Variants in PCDHGA12 observed in about 807,000 individuals in gnomAD.
The protein encoded by PCDHGA12 is protocadherin gamma-A12.
PCDHGA12 carries 43 observed loss-of-function variants against 61.1 expected under a neutral mutation model. The observed-to-expected ratio is 0.70, with a 90% CI of 0.55 to 0.91. The LOEUF is 0.91. Ranked by LOEUF, PCDHGA12 falls within the 40% of genes least tolerant of loss-of-function variation. The pLI is 0.00. For missense variants in PCDHGA12, 1,236 were observed against 1,227.7 expected, an observed-to-expected ratio of 1.01 and a Z score of -0.10; for synonymous variants, 520 against 542.9, an observed-to-expected ratio of 0.96 and a Z score of 0.59.
In PCDHGA12 at chr5:141,476,833, C is replaced by T. The variant is rs746365316; in HGVS notation, c.2425-17974C>T. 1.4e-5 allele frequency: 23 copies of T among 1,613,524 alleles called. No homozygotes were observed. Among genetic ancestry groups the T allele is most frequent in the Non-Finnish European group, 1.9e-5 (23 of 1,180,050 alleles). On this transcript the variant is annotated intron_variant, in intron 1 of 3. Coordinates refer to ENST00000252085, the MANE Select transcript of PCDHGA12 (RefSeq NM_003735.3). The surrounding 1 kb of genome is among the most constrained non-coding windows in gnomAD (Gnocchi z 7.6). Reference sequence around the variant, plus strand: ...ACATCAAGGTGCTGGACGCGAATGACAATGCGCCTGTCTTCAACCAGTCCT... The same window carrying T: ...ACATCAAGGTGCTGGACGCGAATGATAATGCGCCTGTCTTCAACCAGTCCT...
rs61612330 is a variant in PCDHGA12, at chr5:141,454,796, A to ATTTTTTTTTTTTTTT, written c.2424+21628_2424+21642dup. 1.0e-3 allele frequency among the ~76,000 whole-genome samples: 80 copies of ATTTTTTTTTTTTTTT among 77,456 alleles called. 10 individuals are homozygous for ATTTTTTTTTTTTTTT. The highest frequency in any genetic ancestry group is 2.0e-3 in the East Asian group (5 of 2,512). The allele number at this position is 77,456 out of a possible 152,430, so 50.8% of individuals were successfully genotyped here. A position where few individuals can be genotyped will look rare whatever the true frequency, so the allele number is the denominator to read the frequency against. On this transcript the variant is annotated intron_variant, in intron 1 of 3. Transcript: ENST00000252085. ...AAGGAAATAATCCTCCATGGTTCTA[A>ATTTTTTTTTTTTTTT]TTTTTTTTTTTTTTTTTTTTTTTTT...
In PCDHGA12 at chr5:141,431,675, G is replaced by A. The variant is rs778040824; in HGVS notation, c.916G>A (p.Glu306Lys). Reference sequence around the variant, plus strand: ...TTCAGGGACAATATCAACAATAGGGGAGTTGGACCACGAGGAGTCAGGATT... The same window carrying A: ...TTCAGGGACAATATCAACAATAGGGAAGTTGGACCACGAGGAGTCAGGATT... Reference protein sequence around the residue: ...CNSGTISTIGELDHEESGFYQ... With the variant: ...CNSGTISTIGKLDHEESGFYQ... Residue 306 changes from glutamate (E) to lysine (K), a missense_variant, in exon 1 of 4, where the codon GAG becomes AAG. Coordinates refer to ENST00000252085, the MANE Select transcript of PCDHGA12 (RefSeq NM_003735.3). The surrounding 1 kb of genome is among the most constrained non-coding windows in gnomAD (Gnocchi z 4.8). 5.6e-6 allele frequency: 9 copies of A among 1,614,230 alleles called. No homozygotes were observed. Among genetic ancestry groups the A allele is most frequent in the Admixed American group, 1.7e-5 (1 of 60,028 alleles).
At chr5:141,478,425 A>G (rs1454100826) in intron 1 of PCDHGA12, 1 of 1,613,542 alleles carries the variant, frequency 6.2e-7, no homozygotes, top group African/African-American at 1.3e-5. Context: ...CGCCGCAGCG[A>G]CCCGCTGCTG....
At chr5:141,452,411 A>G (rs965622061) in intron 1 of PCDHGA12, among the ~76,000 whole-genome samples, 8 of 152,200 alleles carry the variant, frequency 5.3e-5, no homozygotes, top group African/African-American at 1.9e-4. Context: ...GGTGTGAGGT[A>G]TGCTCACTGC....
At position 141,491,023 on chromosome 5, in the gene PCDHGA12, G is replaced by A. The variant is rs773185039; in HGVS notation, c.2425-3784G>A. 17 of 1,613,990 alleles carry A rather than the reference G, an allele frequency of 1.1e-5. No individual in the cohort carries two copies. Among genetic ancestry groups the A allele is most frequent in the Admixed American group, 5.0e-5 (3 of 60,008 alleles). ...CTCCTTGGTCACCAAGGTGACAGCC[G>A]TGGATGCTGATGCAGGCCACAATGC... On this transcript the variant is annotated intron_variant, in intron 1 of 3. Coordinates refer to ENST00000252085, the MANE Select transcript of PCDHGA12 (RefSeq NM_003735.3). The surrounding 1 kb of genome is among the most constrained non-coding windows in gnomAD (Gnocchi z 6.9).
intron 1 of PCDHGA12, among the ~76,000 whole-genome samples, chr5:141,462,399 T>C (rs2099038838): frequency 6.6e-6 from 1 of 152,236 alleles, no homozygotes; most frequent in South Asian, 2.1e-4. Flanking sequence ...ATTTCTTTTA[T>C]GGCACAGAAT....
Position 141,485,602 on chromosome 5 carries a change from G to A in PCDHGA12, c.2425-9205G>A, listed in dbSNP as rs766134158. On this transcript the variant is annotated intron_variant, in intron 1 of 3. Transcript: ENST00000252085. The surrounding 1 kb of genome is among the most constrained non-coding windows in gnomAD (Gnocchi z 5.7). ...GGCAGCAGCTGGACTTGGAAATTGG[G>A]GAGGCAGCTCCTCCAGGACAGCGTT... is the stretch of plus-strand genomic sequence containing the variant. 2.5e-6 allele frequency: 4 copies of A among 1,612,418 alleles called. No individual in the cohort carries two copies. In the Admixed American group the frequency reaches 5.0e-5, roughly 20 times the overall value.
In PCDHGA12 at chr5:141,489,801, T is replaced by C. The variant is rs201458939; in HGVS notation, c.2425-5006T>C. 6.2e-7 allele frequency: 1 copy of C among 1,614,148 alleles called. No homozygotes were observed. On this transcript the variant is annotated intron_variant, in intron 1 of 3. Coordinates refer to ENST00000252085, the MANE Select transcript of PCDHGA12 (RefSeq NM_003735.3). The surrounding 1 kb of genome is among the most constrained non-coding windows in gnomAD (Gnocchi z 4.5). The stretch of plus-strand genomic sequence containing the variant: ...CTCTGAATGTGAAGACCCTAAAAGA[T>C]GGGAAGCCATTCCCAGAGCTGGTGC...
In PCDHGA12 at chr5:141,511,173, A is replaced by T. The variant is rs1384881403; in HGVS notation, c.2799A>T (p.Ter933TyrextTer31). ...AGTCGGGCAAGAAGGAGAAGAAGTA[A>T]CATGGAGGCCAGGCCAAGAGCCACA... ...KKKSGKKEKK[*>Y] Residue 933 changes from the stop codon to tyrosine, a stop_lost, in exon 4 of 4, where the codon TAA (stop) becomes TAT (tyrosine). Coordinates refer to ENST00000252085, the MANE Select transcript of PCDHGA12 (RefSeq NM_003735.3). 6.2e-7 allele frequency: 1 copy of T among 1,614,132 alleles called. No homozygotes were observed.
intron 1 of PCDHGA12, among the ~76,000 whole-genome samples, chr5:141,434,854 A>G (rs2097723190): frequency 6.6e-6 from 1 of 151,936 alleles, no homozygotes; most frequent in Admixed American, 6.6e-5. Context: ...ACATCAATAA[A>G]TTTATATATA....
chr5:141,431,447 G>C lies in PCDHGA12; in HGVS notation c.688G>C (p.Val230Leu). ...PVRTGTARIRVMVLDANDNAP... is the reference protein window; with the variant it reads ...PVRTGTARIRLMVLDANDNAP... ...GCGCACAGGCACCGCGCGCATCCGC[G>C]TGATGGTTCTGGATGCGAACGACAA... is the stretch of plus-strand genomic sequence containing the variant. Residue 230 changes from valine (V) to leucine (L), a missense_variant, in exon 1 of 4, where the codon GTG becomes CTG. By Grantham distance (32) the Val-to-Leu change is conservative. Coordinates refer to ENST00000252085, the MANE Select transcript of PCDHGA12 (RefSeq NM_003735.3). The surrounding 1 kb of genome is among the most constrained non-coding windows in gnomAD (Gnocchi z 4.8). The C allele has an allele frequency of 6.2e-7, 1 of 1,613,792 alleles. No individual in the cohort carries two copies. Among genetic ancestry groups the C allele is most frequent in the Non-Finnish European group, 8.5e-7 (1 of 1,180,014 alleles).
intron 1 of PCDHGA12, among the ~76,000 whole-genome samples, chr5:141,435,651 C>T (rs762264332): frequency 1.4e-4 from 22 of 152,044 alleles, no homozygotes; most frequent in Non-Finnish European, 2.9e-4. Flanking sequence ...ATTTCTGAAA[C>T]GTGCACAGAT....
At chr5:141,496,928 G>A (rs2099772685) in intron 2 of PCDHGA12, among the ~76,000 whole-genome samples, 1 of 151,334 alleles carries the variant, frequency 6.6e-6, no homozygotes, top group Non-Finnish European at 1.5e-5. Context: ...GTTCACGCCT[G>A]TAATCCCAGC....
intron 1 of PCDHGA12, among the ~76,000 whole-genome samples, chr5:141,459,613 C>T (rs1040874685): frequency 2.6e-5 from 4 of 152,188 alleles, no homozygotes; most frequent in African/African-American, 9.7e-5. Context: ...ATATGCTTAA[C>T]TTTATAAGAA....
rs370932300 is a variant in PCDHGA12, at chr5:141,459,955, G to A, written c.2424+26772G>A. Among the ~76,000 whole-genome samples, 15 of 152,316 alleles carry A rather than the reference G, an allele frequency of 9.8e-5. No homozygotes were observed. The East Asian group carries it at 2.3e-3, about 24-fold the overall frequency. The stretch of plus-strand genomic sequence containing the variant: ...TAGCTGGGCGTGATGGCAGGTGCCT[G>A]TAATCCCAGCTACTCAGGAGGCTGA... On this transcript the variant is annotated intron_variant, in intron 1 of 3. Coordinates refer to ENST00000252085, the MANE Select transcript of PCDHGA12 (RefSeq NM_003735.3).
At chr5:141,460,864 A>C (rs1220160866) in intron 1 of PCDHGA12, among the ~76,000 whole-genome samples, 1 of 151,800 alleles carries the variant, frequency 6.6e-6, no homozygotes, top group East Asian at 1.9e-4. Flanking sequence ...AAGTTGCTGC[A>C]AAGGACATTA....
chr5:141,444,965 A>C (rs561160996), intron 1 of PCDHGA12, among the ~76,000 whole-genome samples: 18 of 152,234 alleles, frequency 1.2e-4, no homozygotes, highest in South Asian at 6.2e-4. Context: ...CAATATTGAC[A>C]CTTCAAATCC....
Position 141,487,642 on chromosome 5 carries a change from G to A in PCDHGA12, c.2425-7165G>A, listed in dbSNP as rs747328649. 1.2e-6 allele frequency: 2 copies of A among 1,614,130 alleles called. No individual in the cohort carries two copies. The highest frequency in any genetic ancestry group is 1.3e-5 in the African/African-American group (1 of 75,062). On this transcript the variant is annotated intron_variant, in intron 1 of 3. Transcript: ENST00000252085. This position sits in a 1 kb window ranked among gnomAD's most constrained non-coding sequence, Gnocchi z 5.0. ...TGAGACCTTTGCAGGCTCAACAAAT[G>A]CTTGAGGGTTATTCTGATCCAGGCA...
At chr5:141,442,947 C>T (rs185574624) in intron 1 of PCDHGA12, among the ~76,000 whole-genome samples, 92 of 152,282 alleles carry the variant, frequency 6.0e-4, no homozygotes, top group African/African-American at 1.7e-3. Flanking sequence ...AACTTCCTCT[C>T]ACTGCAAAAA....
Sources: gnomAD v4.1 joint callset for allele counts (sites outside exome capture counted in the v4.1 genomes callset) on GRCh38, gnomAD v4.1.1 for gene constraint, Gnocchi (gnomAD v3.1) non-coding constraint, MANE v1.5 for transcripts, NCBI Gene and HGNC (gene_info 2026-07-23, HGNC 2026-07-21) for gene names.